Variants in SLC4A8 observed in about 807,000 individuals in gnomAD.
The protein encoded by SLC4A8 is electroneutral sodium bicarbonate exchanger 1.
Under a neutral mutation model 125.0 loss-of-function variants are expected in SLC4A8, and 40 were observed. The observed-to-expected ratio is 0.32, with a 90% CI of 0.25 to 0.42. SLC4A8 has a LOEUF of 0.42. Ranked by LOEUF, SLC4A8 falls within the 10% of genes least tolerant of loss-of-function variation. The pLI is 1.00. For missense variants in SLC4A8, 863 were observed against 1,355.1 expected (o/e 0.64, Z 5.70); for synonymous variants, 456 against 476.0 (o/e 0.96, Z 0.55).
At chr12:51,464,770 C>T (rs1361072717) in intron 11 of SLC4A8, among the ~76,000 whole-genome samples, 1 of 152,200 alleles carries the variant, frequency 6.6e-6, no homozygotes, top group Non-Finnish European at 1.5e-5. Context: ...CCTCAGCACT[C>T]TACCCAGTGG....
chr12:51,451,042 G>C lies in SLC4A8; in HGVS notation c.277+20G>C. 1 of 1,456,744 alleles carries C rather than the reference G, an allele frequency of 6.9e-7. No homozygotes were observed. The highest frequency in any genetic ancestry group is 2.8e-5 in the Admixed American group (1 of 35,646). The allele number at this position is 1,456,744 out of a possible 1,614,324, so 90.2% of individuals were successfully genotyped here. A position where few individuals can be genotyped will look rare whatever the true frequency, so the allele number is the denominator to read the frequency against. On this transcript the variant is annotated intron_variant, in intron 3 of 24. Coordinates refer to ENST00000453097, the MANE Select transcript of SLC4A8 (RefSeq NM_001039960.3). ...CCCACGGTAAGGGCCTTGGGAGACAGGGCGGGTGTCCATGGCCCAGGGGAA... is the reference window on the plus strand; with the variant it reads ...CCCACGGTAAGGGCCTTGGGAGACACGGCGGGTGTCCATGGCCCAGGGGAA...
chr12:51,443,770 C>T (rs1273272913), intron 2 of SLC4A8, among the ~76,000 whole-genome samples: 2 of 152,126 alleles, frequency 1.3e-5, no homozygotes, highest in Non-Finnish European at 2.9e-5. Context: ...CCTGTAAGCC[C>T]AGAGGAGCCG....
At chr12:51,483,242 A>C (rs1160618359) in intron 16 of SLC4A8, among the ~76,000 whole-genome samples, 2 of 152,048 alleles carry the variant, frequency 1.3e-5, no homozygotes, top group African/African-American at 4.8e-5. Context: ...CACTAGTCAC[A>C]GTTGTTGTTT....
Position 51,471,437 on chromosome 12 carries a change from T to A in SLC4A8, c.1809T>A (p.Ile603=), listed in dbSNP as rs1168257239. The A allele has an allele frequency of 1.9e-6, 3 of 1,614,088 alleles. No individual in the cohort carries two copies. The highest frequency in any genetic ancestry group is 1.7e-6 in the Non-Finnish European group (2 of 1,180,034). The change falls in exon 14 of 25, where the codon ATT becomes ATA. Residue 603 remains isoleucine (I), a synonymous_variant. Coordinates refer to ENST00000453097, the MANE Select transcript of SLC4A8 (RefSeq NM_001039960.3). ...AAGCATTTGCCTCCCTAATTTGCAT[T>A]ATTTTCATCTATGAAGCAATAGAAA... ...TEEAFASLIC[I]IFIYEAIEKL... is the part of the protein sequence containing the mutation.
intron 14 of SLC4A8, among the ~76,000 whole-genome samples, chr12:51,472,038 A>T (rs7971145): frequency 6.6e-6 from 1 of 152,170 alleles, no homozygotes; most frequent in East Asian, 1.9e-4. Context: ...ACACTGTATC[A>T]TAAAGATCCA....
At chr12:51,454,358 A>G (rs1950065888) in intron 5 of SLC4A8, among the ~76,000 whole-genome samples, 1 of 151,254 alleles carries the variant, frequency 6.6e-6, no homozygotes, top group South Asian at 2.1e-4. Context: ...TGGAAAAGAA[A>G]AAGACACAGA....
chr12:51,486,559 G>A (rs1592263056), intron 17 of SLC4A8, among the ~76,000 whole-genome samples: 1 of 152,140 alleles, frequency 6.6e-6, no homozygotes, highest in East Asian at 1.9e-4. Context: ...TTTCAGTTTG[G>A]GAGCACTGAC....
intron 16 of SLC4A8, 66 bp from the exon 17 acceptor site, chr12:51,485,721 A>G: frequency 1.2e-6 from 1 of 807,986 alleles, no homozygotes; most frequent in Non-Finnish European, 2.1e-6. Flanking sequence ...AGCCTTTTAC[A>G]ATACTAACCT....
At position 51,467,226 on chromosome 12, in the gene SLC4A8, C is replaced by T. The variant is rs1010319154; in HGVS notation, c.1350-2388C>T. 5.9e-5 allele frequency: 9 copies of T among 152,222 alleles called. No homozygotes were observed. The East Asian group carries it at 9.6e-4, about 16-fold the overall frequency. The allele number at this position is 152,222 out of a possible 1,614,324, so 9.4% of individuals were successfully genotyped here. ...TTTATTACTAACTGAAGCATTGGTC[C>T]CAAACCCTGAAGCAGAATTCATGAT... On this transcript the variant is annotated intron_variant, in intron 11 of 24. Coordinates refer to ENST00000453097, the MANE Select transcript of SLC4A8 (RefSeq NM_001039960.3).
At chr12:51,413,866 C>T (rs1948636992) in intron 1 of SLC4A8, among the ~76,000 whole-genome samples, 1 of 152,148 alleles carries the variant, frequency 6.6e-6, no homozygotes, top group African/African-American at 2.4e-5. Flanking sequence ...ATGCCTTCAA[C>T]TTTCTTCTTT....
rs557607272 is a variant in SLC4A8 at position 51,483,772 on chromosome 12, G to T, written c.2173-2015G>T. On this transcript the variant is annotated intron_variant, in intron 16 of 24. Coordinates refer to ENST00000453097, the MANE Select transcript of SLC4A8 (RefSeq NM_001039960.3). ...TTTTAATTATACTTTAAGTTCTAGG[G>T]TACATGTGCACAATGTGCAGGTTTG... Among the ~76,000 whole-genome samples, 230 of 151,820 alleles carry T rather than the reference G, an allele frequency of 1.5e-3. 1 individual carries two copies. Among genetic ancestry groups the T allele is most frequent in the African/African-American group, 5.5e-3 (227 of 41,364 alleles).
At chr12:51,432,096 C>T (rs1949205654) in intron 1 of SLC4A8, among the ~76,000 whole-genome samples, 1 of 152,064 alleles carries the variant, frequency 6.6e-6, no homozygotes, top group African/African-American at 2.4e-5. Flanking sequence ...AGTGTATTAC[C>T]TCGGTTTGCT....
At chr12:51,429,795 A>G (rs1949126279) in intron 1 of SLC4A8, among the ~76,000 whole-genome samples, 1 of 151,908 alleles carries the variant, frequency 6.6e-6, no homozygotes, top group African/African-American at 2.4e-5. Flanking sequence ...AGGCATGACC[A>G]CCACGCCCAG....
Position 51,425,002 on chromosome 12 carries a change from G to T in SLC4A8, c.15G>T (p.Gly5=), listed in dbSNP as rs754735556. ...TCGGCTCCGCCATGCCGGCCGCCGG[G>T]AGTAACGAGCCGGACGGCGTCCTCA... The part of the protein sequence containing the change: MPAA[G]SNEPDGVLSY... Residue 5 remains glycine (G), a synonymous_variant, in exon 1 of 25, where the codon GGG becomes GGT. Coordinates refer to ENST00000453097, the MANE Select transcript of SLC4A8 (RefSeq NM_001039960.3). The T allele has an allele frequency of 1.3e-6, 2 of 1,556,518 alleles. No homozygotes were observed. Among genetic ancestry groups the T allele is most frequent in the Admixed American group, 3.8e-5 (2 of 52,118 alleles).
chr12:51,410,036 G>C (rs1315272845), intron 1 of SLC4A8, among the ~76,000 whole-genome samples: 9 of 151,966 alleles, frequency 5.9e-5, no homozygotes, highest in South Asian at 2.1e-4. Context: ...GCCTGATGGT[G>C]GTGGGCTAAT....
Position 51,509,522 on chromosome 12 carries a change from C to T in SLC4A8, c.*2084C>T, listed in dbSNP as rs539875476. 2 of 152,358 alleles carry T rather than the reference C, an allele frequency of 1.3e-5. No individual in the cohort carries two copies. The highest frequency in any genetic ancestry group is 4.8e-5 in the African/African-American group (2 of 41,558). 9.4% of individuals were successfully genotyped at this position (152,358 alleles called of 1,614,324 possible). ...TCTTCATTGTTCCCTGAGAACATCT[C>T]CCCTTTCTTGCTCTATCTTGCCCCT... On this transcript the variant is annotated 3_prime_UTR_variant, in exon 25 of 25. Coordinates refer to ENST00000453097, the MANE Select transcript of SLC4A8 (RefSeq NM_001039960.3).
At chr12:51,419,911 C>A (rs951291578), upstream of SLC4A8, among the ~76,000 whole-genome samples, 1 of 152,184 alleles carries the variant, frequency 6.6e-6, no homozygotes, top group African/African-American at 2.4e-5. Context: ...TGGCTCTCAG[C>A]TTTTGTGGCG....
intron 2 of SLC4A8, among the ~76,000 whole-genome samples, chr12:51,449,870 A>G (rs1480751741): frequency 2.0e-5 from 3 of 152,154 alleles, no homozygotes; most frequent in African/African-American, 7.2e-5. Context: ...CTCTACAAAA[A>G]ATTGAAAAAT....
At chr12:51,415,997 A>C (rs1231968573) in intron 1 of SLC4A8, among the ~76,000 whole-genome samples, 2 of 151,976 alleles carry the variant, frequency 1.3e-5, no homozygotes, top group African/African-American at 4.8e-5. Context: ...AAAAGGTAAG[A>C]GTACGACCTC....
Sources: allele counts gnomAD v4.1 joint callset (sites outside exome capture counted in the v4.1 genomes callset), GRCh38; gene constraint gnomAD v4.1.1; transcripts MANE v1.5; gene names NCBI Gene and HGNC (gene_info 2026-07-23, HGNC 2026-07-21).